Variants in CACNA2D2 observed in about 807,000 individuals in gnomAD.
CACNA2D2 encodes the protein voltage-dependent calcium channel subunit alpha-2/delta-2.
CACNA2D2 carries 48 observed loss-of-function variants against 166.4 expected under a neutral mutation model. That is an observed-to-expected ratio of 0.29 (90% CI 0.23 to 0.37). CACNA2D2 has a LOEUF of 0.37. CACNA2D2 is among the 10% of genes least tolerant of loss of function. The pLI, the probability that CACNA2D2 is intolerant of heterozygous loss-of-function variation, is 1.00. For missense variants in CACNA2D2, 1,122 were observed against 1,433.0 expected, an observed-to-expected ratio of 0.78 and a Z score of 3.50; for synonymous variants, 561 against 573.7, an observed-to-expected ratio of 0.98 and a Z score of 0.32.
At chr3:50,404,947 A>C (rs1479429314) in intron 3 of CACNA2D2, among the ~76,000 whole-genome samples, 1 of 152,196 alleles carries the variant, frequency 6.6e-6, no homozygotes, top group Non-Finnish European at 1.5e-5. Context: ...TTCCCACCTG[A>C]AAGCTGAGAG....
intron 36 of CACNA2D2, 29 bp from the exon 37 acceptor site, chr3:50,364,999 G>A (rs778098797): frequency 6.2e-7 from 1 of 1,609,426 alleles, no homozygotes; most frequent in East Asian, 2.2e-5. Flanking sequence ...TCAAGGAGGC[G>A]GACGGCGGCG....
At chr3:50,389,880 C>A (rs903052291) in intron 4 of CACNA2D2, among the ~76,000 whole-genome samples, 22 of 152,152 alleles carry the variant, frequency 1.4e-4, no homozygotes, top group African/African-American at 5.3e-4. Flanking sequence ...AGACCATGCC[C>A]CTTCCTTGGT....
At chr3:50,455,177 G>A (rs146717585) in intron 2 of CACNA2D2, among the ~76,000 whole-genome samples, 2 of 152,090 alleles carry the variant, frequency 1.3e-5, no homozygotes, top group African/African-American at 4.8e-5. Context: ...AGCACTGTAC[G>A]CCCCCTGCAC....
At chr3:50,476,981 G>A (rs1326720030) in intron 1 of CACNA2D2, among the ~76,000 whole-genome samples, 2 of 148,274 alleles carry the variant, frequency 1.3e-5, no homozygotes, top group Non-Finnish European at 3.0e-5. Flanking sequence ...CCAGGCTGGA[G>A]TGCAGTGGTG....
chr3:50,452,716 T>C (rs1188986147), intron 2 of CACNA2D2, among the ~76,000 whole-genome samples: 1 of 152,224 alleles, frequency 6.6e-6, no homozygotes, highest in East Asian at 1.9e-4. Flanking sequence ...GGATATAAGA[T>C]GATTCTCATC....
chr3:50,435,459 C>T (rs35896972), intron 2 of CACNA2D2, among the ~76,000 whole-genome samples: 3,400 of 151,804 alleles, frequency 0.022, 62 homozygotes, highest in Non-Finnish European at 0.032. Context: ...TAGGCTGCCA[C>T]GACTGAGCCG....
chr3:50,473,214 G>A (rs1710172677), intron 2 of CACNA2D2, among the ~76,000 whole-genome samples: 1 of 152,236 alleles, frequency 6.6e-6, no homozygotes, highest in Non-Finnish European at 1.5e-5. Flanking sequence ...GTTTCAACCT[G>A]CAAATGGGCC....
chr3:50,393,586 G>A (rs1575620652), intron 4 of CACNA2D2, among the ~76,000 whole-genome samples: 1 of 152,226 alleles, frequency 6.6e-6, no homozygotes, highest in South Asian at 2.1e-4. Context: ...CAAGGAGCGA[G>A]CCTGAGCTCC....
intron 1 of CACNA2D2, among the ~76,000 whole-genome samples, chr3:50,487,818 C>T (rs1698354812): frequency 6.6e-6 from 1 of 152,188 alleles, no homozygotes; most frequent in Non-Finnish European, 1.5e-5. Flanking sequence ...TGTAAATTCC[C>T]AACTAGCTCG....
chr3:50,368,933 T>G (rs1704501373), intron 23 of CACNA2D2, among the ~76,000 whole-genome samples: 1 of 152,156 alleles, frequency 6.6e-6, no homozygotes. Flanking sequence ...TAGGTGGAGC[T>G]CTCTCTCGCT....
At chr3:50,370,805 A>C (rs1704619277) in intron 22 of CACNA2D2, among the ~76,000 whole-genome samples, 1 of 152,142 alleles carries the variant, frequency 6.6e-6, no homozygotes, top group Non-Finnish European at 1.5e-5. Flanking sequence ...AAAAAACCGC[A>C]TGCTGAGCTT....
chr3:50,479,729 A>G (rs1175559772), intron 1 of CACNA2D2, among the ~76,000 whole-genome samples: 5 of 152,204 alleles, frequency 3.3e-5, no homozygotes, highest in African/African-American at 1.2e-4. Context: ...CCCTGCCCCC[A>G]CTGGGTCAAA....
Position 50,380,117 on chromosome 3 carries a change from A to T in CACNA2D2, c.843-99T>A. The T allele has an allele frequency of 2.4e-6, 3 of 1,260,122 alleles. No individual in the cohort carries two copies. Among genetic ancestry groups the T allele is most frequent in the Middle Eastern group, 2.0e-4 (1 of 5,068 alleles). The allele number at this position is 1,260,122 out of a possible 1,614,324, so 78.1% of individuals were successfully genotyped here. ...TTGATTCAATACATTTCTCTTGAGC[A>T]TGCACTGTGTGGGCCAGGCAGGGTT... is the stretch of plus-strand genomic sequence containing the variant. On this transcript the variant is annotated intron_variant, in intron 8 of 37. Coordinates refer to ENST00000424201, the MANE Select transcript of CACNA2D2 (RefSeq NM_006030.4). This position sits in a 1 kb window ranked among gnomAD's most constrained non-coding sequence, Gnocchi z 4.9.
intron 3 of CACNA2D2, among the ~76,000 whole-genome samples, chr3:50,398,985 T>C (rs1575628189): frequency 6.6e-6 from 1 of 152,160 alleles, no homozygotes; most frequent in East Asian, 1.9e-4. Flanking sequence ...TCAATTGCAG[T>C]GGGAGCTGAG....
chr3:50,383,842 G>A (rs1337391125), intron 6 of CACNA2D2, among the ~76,000 whole-genome samples: 1 of 152,202 alleles, frequency 6.6e-6, no homozygotes, highest in Non-Finnish European at 1.5e-5. Flanking sequence ...GGGGAAGGGT[G>A]GTGAGGAGTT....
chr3:50,493,294 T>C (rs992832794), intron 1 of CACNA2D2, among the ~76,000 whole-genome samples: 1 of 152,190 alleles, frequency 6.6e-6, no homozygotes, highest in African/African-American at 2.4e-5. Flanking sequence ...GTGTACTGTT[T>C]AGATTGCCAG....
intron 3 of CACNA2D2, among the ~76,000 whole-genome samples, chr3:50,433,363 G>A (rs1043767895): frequency 6.8e-6 from 1 of 148,104 alleles, no homozygotes; most frequent in African/African-American, 2.5e-5. Flanking sequence ...TTTGTTGTTT[G>A]TTTTTTTTTT....
intron 3 of CACNA2D2, among the ~76,000 whole-genome samples, chr3:50,400,962 A>G (rs1275305249): frequency 1.3e-5 from 2 of 152,196 alleles, no homozygotes; most frequent in Non-Finnish European, 2.9e-5. Flanking sequence ...GGCGTGAGCC[A>G]CCGCGCCTGG....
chr3:50,501,062 G>A (rs1479752948), intron 1 of CACNA2D2, among the ~76,000 whole-genome samples: 2 of 152,092 alleles, frequency 1.3e-5, no homozygotes, highest in Non-Finnish European at 2.9e-5. Context: ...TCTCCTCCTT[G>A]GAAATCCACC....
Sources: allele counts gnomAD v4.1 joint callset (sites outside exome capture counted in the v4.1 genomes callset), GRCh38; gene constraint gnomAD v4.1.1; non-coding constraint Gnocchi (gnomAD v3.1); transcripts MANE v1.5; gene names NCBI Gene and HGNC (gene_info 2026-07-23, HGNC 2026-07-21).